Variants in SNAP91 observed in about 807,000 individuals in gnomAD.
The protein encoded by SNAP91 is clathrin coat assembly protein AP180.
A neutral mutation model predicts 100.3 loss-of-function variants in SNAP91; 27 were observed. The ratio of observed to expected loss-of-function variants is 0.27; its 90% confidence interval spans 0.20 to 0.37. SNAP91 has a LOEUF of 0.37. SNAP91 is among the 10% of genes least tolerant of loss of function. SNAP91 has a pLI of 1.00. For missense variants in SNAP91, 986 were observed against 1,123.7 expected, an observed-to-expected ratio of 0.88 and a Z score of 1.75; for synonymous variants, 404 against 398.6, an observed-to-expected ratio of 1.01 and a Z score of -0.16.
chr6:83,614,939 G>T, intron 10 of SNAP91, 77 bp from the exon 11 acceptor site: 1 of 1,194,452 alleles, frequency 8.4e-7, no homozygotes, highest in African/African-American at 1.5e-5. Context: ...TTAAAAAATA[G>T]GGAATAAGCA....
chr6:83,601,211 T>G, intron 16 of SNAP91, 60 bp downstream of exon 16: 1 of 1,570,480 alleles, frequency 6.4e-7, no homozygotes, highest in South Asian at 1.1e-5. Flanking sequence ...TTAAAGACCT[T>G]AACTCCCAAG....
intron 24 of SNAP91, among the ~76,000 whole-genome samples, chr6:83,579,111 G>A (rs1438820334): frequency 6.6e-6 from 1 of 152,050 alleles, no homozygotes; most frequent in Non-Finnish European, 1.5e-5. Flanking sequence ...CCTTATTCCA[G>A]TACCATTTGT....
At position 83,593,564 on chromosome 6, in the gene SNAP91, G is replaced by A; in HGVS notation, c.1610C>T (p.Thr537Ile). The A allele has an allele frequency of 3.2e-6, 5 of 1,555,864 alleles. No homozygotes were observed. Among genetic ancestry groups the A allele is most frequent in the Non-Finnish European group, 4.4e-6 (5 of 1,148,696 alleles). The change falls in exon 18 of 30, where the codon ACT (threonine) becomes ATT (isoleucine). Residue 537 changes from threonine to isoleucine, a missense_variant. This residue lies in a region of SNAP91 where 575 missense variants were observed against 579.9 expected (regional missense o/e 0.99). Coordinates refer to ENST00000369694, the MANE Select transcript of SNAP91 (RefSeq NM_001242792.2). ...PAVAAAAAAT[T>I]AATAAATTTT... ...GGTGGTGGCAGCGGCGGTGGCAGCA[G>A]TAGTGGCAGCAGCAGCAGCTGCAAC...
intron 2 of SNAP91, among the ~76,000 whole-genome samples, chr6:83,683,383 G>A (rs544697184): frequency 2.0e-5 from 3 of 152,258 alleles, no homozygotes; most frequent in South Asian, 2.1e-4. Flanking sequence ...CCTTGCGGGT[G>A]GATCACTCGT....
Position 83,605,692 on chromosome 6 carries a change from T to A in SNAP91, c.1134A>T (p.Ala378=). 1.9e-6 allele frequency: 3 copies of A among 1,552,084 alleles called. No individual in the cohort carries two copies. The highest frequency in any genetic ancestry group is 2.6e-6 in the Non-Finnish European group (3 of 1,147,266). Reference sequence around the variant, plus strand: ...TTGTCTGGTTTTACTCACCTCCCCATGCAGTGGCTCCTCCAGCAGGTGGTG... The same window carrying A: ...TTGTCTGGTTTTACTCACCTCCCCAAGCAGTGGCTCCTCCAGCAGGTGGTG... The part of the protein sequence containing the change: ...APPPPAGGAT[A]WGDLLGEDSL... The change falls in exon 14 of 30, where the codon GCA becomes GCT. Residue 378 remains alanine (A), a synonymous_variant. Transcript: ENST00000369694.
At chr6:83,570,696 T>C (rs187706056) in intron 26 of SNAP91, among the ~76,000 whole-genome samples, 106 of 151,880 alleles carry the variant, frequency 7.0e-4, no homozygotes, top group African/African-American at 2.4e-3. Context: ...CTTCAGAGGG[T>C]GGTAGTCCCA....
chr6:83,706,943 T>C (rs2099389848), intron 2 of SNAP91, among the ~76,000 whole-genome samples: 1 of 152,230 alleles, frequency 6.6e-6, no homozygotes, highest in South Asian at 2.1e-4. Flanking sequence ...CTGTTTATCC[T>C]TCGGTGACAA....
At chr6:83,699,070 A>G (rs576997441) in intron 2 of SNAP91, among the ~76,000 whole-genome samples, 3 of 152,314 alleles carry the variant, frequency 2.0e-5, no homozygotes, top group South Asian at 2.1e-4. Context: ...AGGTGCTCTC[A>G]GAATGGCAGC....
chr6:83,600,687 T>G (rs140007733), intron 16 of SNAP91, among the ~76,000 whole-genome samples: 293 of 152,378 alleles, frequency 1.9e-3, no homozygotes, highest in Non-Finnish European at 3.6e-3. Flanking sequence ...TTTCAAGTGC[T>G]GCTTCAGATG....
In SNAP91 at chr6:83,596,202, A is replaced by G. The variant is rs112585232; in HGVS notation, c.1325-1721T>C. ...CCTCACGGACTGGGATTACAGGCCT[A>G]CAGCACTATGCCCAGCCAGGAATAT... On this transcript the variant is annotated intron_variant, in intron 16 of 29. Coordinates refer to ENST00000369694, the MANE Select transcript of SNAP91 (RefSeq NM_001242792.2). Among the ~76,000 whole-genome samples, 521 of 152,254 alleles carry G rather than the reference A, an allele frequency of 3.4e-3. 3 individuals are homozygous for G. Among genetic ancestry groups the G allele is most frequent in the African/African-American group, 0.012 (488 of 41,572 alleles).
At chr6:83,666,190 C>T (rs1473573021) in intron 2 of SNAP91, among the ~76,000 whole-genome samples, 1 of 152,018 alleles carries the variant, frequency 6.6e-6, no homozygotes, top group Non-Finnish European at 1.5e-5. Context: ...AGAGAGTAAA[C>T]CTTTATAATA....
Position 83,607,759 on chromosome 6 carries a change from GT to G in SNAP91, c.961del (p.Thr321LeufsTer147). Reference protein sequence around the residue: ...VTSPNSTPAKTIDTSPPVDLF... With the variant: ...VTSPNSTPAKXIDTSPPVDLF... ...ATCAACCGGTGGGGATGTGTCAATA[GT>G]TTTAGCTGGTGTAGAATTAGGAGAC... On this transcript the variant is annotated frameshift_variant, in exon 13 of 30. Coordinates refer to ENST00000369694, the MANE Select transcript of SNAP91 (RefSeq NM_001242792.2). LOFTEE classifies it high-confidence loss of function. 1 of 1,595,688 alleles carries G rather than the reference GT, an allele frequency of 6.3e-7. No homozygotes were observed. Among genetic ancestry groups the G allele is most frequent in the Non-Finnish European group, 8.5e-7 (1 of 1,170,922 alleles).
Position 83,708,839 on chromosome 6 carries a change from A to T in SNAP91, c.-31+6T>A, listed in dbSNP as rs1204931889. ...GAGGGGGCCGAGTACGGCCGCGGGTACTCACCCCGCCCCTGAGCGGCGCCG... is the reference window on the plus strand; with the variant it reads ...GAGGGGGCCGAGTACGGCCGCGGGTTCTCACCCCGCCCCTGAGCGGCGCCG... On this transcript the variant is annotated splice_donor_region_variant and intron_variant, in intron 1 of 29. Coordinates refer to ENST00000369694, the MANE Select transcript of SNAP91 (RefSeq NM_001242792.2). 1.3e-5 allele frequency: 2 copies of T among 151,374 alleles called. No homozygotes were observed. The highest frequency in any genetic ancestry group is 3.9e-4 in the East Asian group (2 of 5,066). 9.4% of individuals were successfully genotyped at this position (151,374 alleles called of 1,614,324 possible).
rs1197806755 is a variant in SNAP91, at chr6:83,605,762, T to A, written c.1064A>T (p.Asp355Val). 6.4e-7 allele frequency: 1 copy of A among 1,553,348 alleles called. No homozygotes were observed. Among genetic ancestry groups the A allele is most frequent in the Admixed American group, 2.0e-5 (1 of 51,200 alleles). Reference sequence around the variant, plus strand: ...TGCTGCTGCCCCTCCAGAGGAAAAGTCTGGCTGGAGGTCCAGGAGATCACT... The same window carrying A: ...TGCTGCTGCCCCTCCAGAGGAAAAGACTGGCTGGAGGTCCAGGAGATCACT... The part of the protein sequence containing the change: ...PSSDLLDLQP[D>V]FSSGGAAAAA... The change falls in exon 14 of 30, where the codon GAC becomes GTC. Residue 355 changes from aspartate to valine, a missense_variant. Asp to Val is a radical substitution (Grantham distance 152). Transcript: ENST00000369694.
At chr6:83,621,304 TG>T (rs1428409674) in intron 9 of SNAP91, among the ~76,000 whole-genome samples, 2 of 152,230 alleles carry the variant, frequency 1.3e-5, no homozygotes, top group Non-Finnish European at 2.9e-5. Context: ...TTCTTTTTAA[TG>T]GTTGTATAGT....
chr6:83,632,440 G>C (rs1012467804), intron 8 of SNAP91, among the ~76,000 whole-genome samples: 7 of 152,076 alleles, frequency 4.6e-5, no homozygotes, highest in African/African-American at 7.2e-5. Flanking sequence ...TAGGTCTCTA[G>C]CAAGGCTGGG....
chr6:83,640,361 A>T (rs2097646782), intron 8 of SNAP91, among the ~76,000 whole-genome samples: 1 of 152,198 alleles, frequency 6.6e-6, no homozygotes, highest in Admixed American at 6.5e-5. Context: ...GCTGAGCCTT[A>T]GAACCTCTTT....
intron 2 of SNAP91, among the ~76,000 whole-genome samples, chr6:83,684,137 A>G (rs548063742): frequency 1.3e-5 from 2 of 152,294 alleles, no homozygotes; most frequent in Admixed American, 1.3e-4. Flanking sequence ...GTCCCCTTCA[A>G]CCTGGGTTTC....
chr6:83,693,917 C>A (rs960690260), intron 2 of SNAP91, among the ~76,000 whole-genome samples: 1 of 152,130 alleles, frequency 6.6e-6, no homozygotes, highest in Non-Finnish European at 1.5e-5. Flanking sequence ...TCTATTTCAT[C>A]TTAAGTGTCA....
Sources: gnomAD v4.1 joint callset for allele counts (sites outside exome capture counted in the v4.1 genomes callset) on GRCh38, gnomAD v4.1.1 for gene constraint, gnomAD v4.1.1 regional missense constraint, MANE v1.5 for transcripts, NCBI Gene and HGNC (gene_info 2026-07-23, HGNC 2026-07-21) for gene names.